The following CDH1 variants were observed in gnomAD, a reference collection of about 807,000 sequenced individuals.
The protein encoded by CDH1 is cadherin 1, also known as cadherin-1.
A neutral mutation model predicts 84.5 loss-of-function variants in CDH1; 35 were observed. The ratio of observed to expected loss-of-function variants is 0.41; its 90% CI spans 0.32 to 0.55. CDH1 has a LOEUF of 0.55. Among genes scored for constraint, CDH1 ranks in the 20% least tolerant of loss-of-function variants. The pLI is 0.19. For missense variants in CDH1, 994 were observed against 1,126.6 expected, an observed-to-expected ratio of 0.88 and a Z score of 1.68; for synonymous variants, 417 against 439.0, an observed-to-expected ratio of 0.95 and a Z score of 0.63.
At chr16:68,796,220 A>G (rs1424685353) in intron 2 of CDH1, among the ~76,000 whole-genome samples, 2 of 152,072 alleles carry the variant, frequency 1.3e-5, no homozygotes, top group African/African-American at 4.8e-5. Flanking sequence ...CGCTGTGGGA[A>G]ATGTGTTCTG....
At chr16:68,809,226 C>CTTTTTTTTTTTTTTTTTTTTTTTTTTTT in intron 5 of CDH1, among the ~76,000 whole-genome samples, 1 of 135,484 alleles carries the variant, frequency 7.4e-6, no homozygotes, top group Middle Eastern at 3.8e-3. Flanking sequence ...ACCAAGAGGT[C>CTTTTTTTTTTTTTTTTTTTTTTTTTTTT]TTTTTTTTTT....
rs1060501247 is a variant in CDH1, at chr16:68,801,705, G to A, written c.199G>A (p.Ala67Thr). 3.7e-6 allele frequency: 6 copies of A among 1,614,174 alleles called. No homozygotes were observed. In the Admixed American group the frequency reaches 5.0e-5, roughly 13 times the overall value. Reference protein sequence around the residue: ...FEDCTGRQRTAYFSLDTRFKV... With the variant: ...FEDCTGRQRTTYFSLDTRFKV... ...AGATTGCACCGGTCGACAAAGGACAGCCTATTTTTCCCTCGACACCCGATT... is the reference window on the plus strand; with the variant it reads ...AGATTGCACCGGTCGACAAAGGACAACCTATTTTTCCCTCGACACCCGATT... Residue 67 changes from alanine to threonine, a missense_variant, in exon 3 of 16, where the codon GCC (alanine) becomes ACC (threonine). Physicochemically the swap from Ala to Thr is moderately conservative, Grantham distance 58 (BLOSUM62 0). This residue lies in a region of CDH1 where 203 missense variants were observed against 194.0 expected (regional missense o/e 1.05). Coordinates refer to ENST00000261769, the MANE Select transcript of CDH1 (RefSeq NM_004360.5).
chr16:68,831,272 G>C (rs146670625), intron 15 of CDH1, among the ~76,000 whole-genome samples: 1 of 142,464 alleles, frequency 7.0e-6, no homozygotes, highest in Non-Finnish European at 1.5e-5. Flanking sequence ...TTTATTTTTA[G>C]TAGAGACAGG....
chr16:68,745,543 A>ATATATATATATATATATATATGTAT (rs1282262419), intron 2 of CDH1, among the ~76,000 whole-genome samples: 1 of 14,300 alleles, frequency 7.0e-5, no homozygotes, highest in African/African-American at 2.6e-4. Flanking sequence ...CAAAAAAAAA[A>ATATATATATATATATATATATGTAT]AAAAAAATAT....
intron 2 of CDH1, among the ~76,000 whole-genome samples, chr16:68,750,790 G>A (rs755982543): frequency 6.7e-6 from 1 of 149,440 alleles, no homozygotes; most frequent in Admixed American, 6.7e-5. Context: ...CTTCAGCCTC[G>A]ACCTCCCGGG....
At chr16:68,800,640 G>A (rs1034093697) in intron 2 of CDH1, among the ~76,000 whole-genome samples, 1 of 152,182 alleles carries the variant, frequency 6.6e-6, no homozygotes. Flanking sequence ...AGGCCAAGCT[G>A]AGAGTTTCCT....
At chr16:68,807,468 G>A (rs549473944) in intron 3 of CDH1, among the ~76,000 whole-genome samples, 2 of 152,124 alleles carry the variant, frequency 1.3e-5, no homozygotes, top group Admixed American at 6.5e-5. Context: ...CCAGGAGTTC[G>A]AGACCAGTCT....
chr16:68,819,544 G>A (rs1961085370), intron 11 of CDH1, 119 bp downstream of exon 11: 3 of 1,117,424 alleles, frequency 2.7e-6, no homozygotes, highest in Non-Finnish European at 2.7e-6. Flanking sequence ...TTTGTTTGCT[G>A]GATTGATTTG....
chr16:68,789,610 T>C (rs923839295), intron 2 of CDH1, among the ~76,000 whole-genome samples: 3 of 152,124 alleles, frequency 2.0e-5, no homozygotes, highest in African/African-American at 7.2e-5. Context: ...GTTTCCCTTA[T>C]AGTCACAGAC....
At chr16:68,804,822 A>ATTTTTT (rs1960608492) in intron 3 of CDH1, among the ~76,000 whole-genome samples, 18 of 124,556 alleles carry the variant, frequency 1.4e-4, no homozygotes, top group African/African-American at 6.3e-4. Context: ...AGGTAACAAA[A>ATTTTTT]TCTTTTTTTT....
chr16:68,763,033 A>T (rs1253417612), intron 2 of CDH1, among the ~76,000 whole-genome samples: 1 of 150,926 alleles, frequency 6.6e-6, no homozygotes, highest in Non-Finnish European at 1.5e-5. Context: ...TCTCTTCCCC[A>T]CAGCAAGGCT....
At chr16:68,786,844 C>T (rs769945773) in intron 2 of CDH1, among the ~76,000 whole-genome samples, 6 of 152,180 alleles carry the variant, frequency 3.9e-5, no homozygotes, top group Non-Finnish European at 7.3e-5. Context: ...TGGGAAATGC[C>T]TCACTTCGCA....
rs373605261 is a variant in CDH1 at position 68,819,284 on chromosome 16, C to T, written c.1570C>T (p.Arg524Trp). ...DTFMEQKITY[R>W]IWRDTANWLE... ...CCAGAGCTTGTCCCCGTTCAGATAT[C>T]GGATTTGGAGAGACACTGCCAACTG... The change falls in exon 11 of 16, where the codon CGG becomes TGG. Residue 524 changes from arginine to tryptophan, a missense_variant. Physicochemically the swap from Arg to Trp is moderately radical, Grantham distance 101. Coordinates refer to ENST00000261769, the MANE Select transcript of CDH1 (RefSeq NM_004360.5). The T allele has an allele frequency of 5.0e-6, 8 of 1,614,090 alleles. No individual in the cohort carries two copies. The highest frequency in any genetic ancestry group is 2.2e-5 in the East Asian group (1 of 44,900).
Position 68,833,335 on chromosome 16 carries a change from T to G in CDH1, c.2485T>G (p.Ser829Ala), listed in dbSNP as rs1265463733. The G allele has an allele frequency of 6.2e-7, 1 of 1,614,096 alleles. No individual in the cohort carries two copies. Among genetic ancestry groups the G allele is most frequent in the Non-Finnish European group, 8.5e-7 (1 of 1,180,048 alleles). ...TGACCCCACAGCCCCGCCTTATGAT[T>G]CTCTGCTCGTGTTTGACTATGAAGG... is the stretch of plus-strand genomic sequence containing the variant. ...DTDPTAPPYD[S>A]LLVFDYEGSG... The change falls in exon 16 of 16, where the codon TCT becomes GCT. Residue 829 changes from serine (S) to alanine (A), a missense_variant. Ser to Ala is a moderately conservative substitution (Grantham distance 99). Around this residue, in one of 3 missense-constraint regions of CDH1, gnomAD observed 769 missense variants for 881.8 expected, o/e 0.87. Transcript: ENST00000261769.
At chr16:68,764,555 G>A (rs1342467344) in intron 2 of CDH1, among the ~76,000 whole-genome samples, 1 of 152,210 alleles carries the variant, frequency 6.6e-6, no homozygotes, top group Non-Finnish European at 1.5e-5. Context: ...CAGCCTGGGC[G>A]ATAGAGTGAG....
chr16:68,739,167 C>G (rs539449201), intron 2 of CDH1, among the ~76,000 whole-genome samples: 1 of 151,920 alleles, frequency 6.6e-6, no homozygotes, highest in East Asian at 1.9e-4. Flanking sequence ...GTAATCCCAG[C>G]ACTTTGGGAG....
intron 9 of CDH1, among the ~76,000 whole-genome samples, chr16:68,814,981 T>G (rs1467353087): frequency 1.3e-5 from 2 of 150,308 alleles, no homozygotes; most frequent in Admixed American, 1.3e-4. Context: ...ATCCCAACAC[T>G]TTGGGAGGCC....
At chr16:68,823,649 T>C (rs2152139735) in intron 13 of CDH1, 23 bp downstream of exon 13, 1 of 1,515,974 alleles carries the variant, frequency 6.6e-7, no homozygotes, top group South Asian at 1.1e-5. Flanking sequence ...GGCAAGTGAC[T>C]CAGCCTTTGA....
chr16:68,833,439 C>T lies in CDH1; in HGVS notation c.2589C>T (p.Asn863=), dbSNP rs115817750. The change falls in exon 16 of 16, where the codon AAC becomes AAT. Residue 863 remains asparagine (N), a synonymous_variant. Coordinates refer to ENST00000261769, the MANE Select transcript of CDH1 (RefSeq NM_004360.5). ...AAGACCAGGACTATGACTACTTGAA[C>T]GAATGGGGCAATCGCTTCAAGAAGC... The part of the protein sequence containing the change: ...SDKDQDYDYL[N]EWGNRFKKLA... 3.3e-4 allele frequency: 530 copies of T among 1,614,164 alleles called. No homozygotes were observed. The highest frequency in any genetic ancestry group is 4.1e-4 in the Non-Finnish European group (484 of 1,180,034).
Sources: gnomAD v4.1 joint callset for allele counts (sites outside exome capture counted in the v4.1 genomes callset) on GRCh38, gnomAD v4.1.1 for gene constraint, gnomAD v4.1.1 regional missense constraint, MANE v1.5 for transcripts, NCBI Gene and HGNC (gene_info 2026-07-23, HGNC 2026-07-21) for gene names.